The following CFAP54 variants were observed in gnomAD, a reference collection of about 807,000 sequenced individuals.
CFAP54 encodes cilia- and flagella-associated protein 54.
CFAP54 carries 290 observed loss-of-function variants against 370.4 expected under a neutral mutation model. The ratio of observed to expected loss-of-function variants is 0.78; its 90% CI spans 0.71 to 0.86. CFAP54 has a LOEUF of 0.86. Among genes scored for constraint, CFAP54 ranks in the 40% least tolerant of loss-of-function variants. CFAP54 has a pLI of 0.00. For missense variants in CFAP54, 3,399 were observed against 3,528.7 expected, an observed-to-expected ratio of 0.96 and a Z score of 0.93; for synonymous variants, 1,206 against 1,236.5, an observed-to-expected ratio of 0.98 and a Z score of 0.52.
intron 39 of CFAP54, among the ~76,000 whole-genome samples, chr12:96,677,265 T>A (rs1592703899): frequency 6.6e-6 from 1 of 151,976 alleles, no homozygotes; most frequent in Admixed American, 6.6e-5. Flanking sequence ...CCCTGCCTCA[T>A]CCTCCCAAAG....
chr12:96,576,557 A>T, intron 19 of CFAP54, 28 bp from the exon 20 acceptor site: 3 of 1,433,356 alleles, frequency 2.1e-6, no homozygotes, highest in Non-Finnish European at 2.8e-6. Flanking sequence ...CTTGACATAT[A>T]TTTTTCTATT....
intron 63 of CFAP54, among the ~76,000 whole-genome samples, chr12:96,805,333 T>C (rs1009528702): frequency 5.3e-5 from 8 of 152,026 alleles, no homozygotes; most frequent in South Asian, 2.1e-4. Context: ...TTGCAAACTA[T>C]GTATCTAACA....
At chr12:96,786,531 C>T (rs1958630636) in intron 61 of CFAP54, 144 bp from the exon 62 acceptor site, 2 of 635,222 alleles carry the variant, frequency 3.1e-6, no homozygotes, top group Middle Eastern at 4.3e-4. Context: ...AGTGTATAAG[C>T]TCTAAAAACA....
intron 45 of CFAP54, among the ~76,000 whole-genome samples, chr12:96,698,731 A>G (rs897827648): frequency 6.6e-6 from 1 of 152,164 alleles, no homozygotes; most frequent in Admixed American, 6.5e-5. Context: ...TGGGTACTAT[A>G]CTTGTCACCA....
intron 66 of CFAP54, among the ~76,000 whole-genome samples, chr12:96,858,395 G>A (rs1242011491): frequency 6.6e-6 from 1 of 152,104 alleles, no homozygotes; most frequent in African/African-American, 2.4e-5. Context: ...GGATATTAGA[G>A]ATTCATCAGA....
chr12:96,729,983 C>T lies in CFAP54; in HGVS notation c.6965+9418C>T, dbSNP rs1023142316. Among the ~76,000 whole-genome samples, 5 of 152,276 alleles carry T rather than the reference C, an allele frequency of 3.3e-5. No individual in the cohort carries two copies. The East Asian group carries it at 5.8e-4, about 18-fold the overall frequency. ...CAGTACAGAGAGCAAATGTGATGTT[C>T]TGATATGATTGGCACACAGTCGAGT... On this transcript the variant is annotated intron_variant, in intron 50 of 67. Coordinates refer to ENST00000524981, the MANE Select transcript of CFAP54 (RefSeq NM_001306084.2).
intron 36 of CFAP54, among the ~76,000 whole-genome samples, chr12:96,653,819 AT>A (rs1262380369): frequency 1.6e-5 from 2 of 121,772 alleles, no homozygotes; most frequent in African/African-American, 6.1e-5. Context: ...TAAAGTCAAA[AT>A]TTGATCTTCT....
chr12:96,536,987 A>AATTCAATTCAATT (rs369063940), intron 12 of CFAP54, among the ~76,000 whole-genome samples: 4 of 147,412 alleles, frequency 2.7e-5, no homozygotes, highest in African/African-American at 1.1e-4. Flanking sequence ...TCAATTCAAT[A>AATTCAATTCAATT]CAATTCAATT....
chr12:96,664,622 A>ATGTGTGTGTGTGTGTGTG (rs55839375), intron 39 of CFAP54, among the ~76,000 whole-genome samples: 1 of 115,204 alleles, frequency 8.7e-6, no homozygotes. Context: ...CCAAGAACGT[A>ATGTGTGTGTGTGTGTGTG]TGTGTGTGTG....
intron 48 of CFAP54, among the ~76,000 whole-genome samples, chr12:96,716,791 G>T (rs372599504): frequency 1.3e-5 from 2 of 152,194 alleles, no homozygotes; most frequent in Non-Finnish European, 2.9e-5. Flanking sequence ...TATGTAATTG[G>T]ATAAGACCGA....
Position 96,580,994 on chromosome 12 carries a change from T to C in CFAP54, c.2964T>C (p.Ala988=). Residue 988 remains alanine, a synonymous_variant, in exon 22 of 68, where the codon GCT becomes GCC. Transcript: ENST00000524981. ...ATGAAAAGTATGTATTTGCAGTTGC[T>C]GCCTATTCTAACAACGGAAAGCTTG... ...ETNEKYVFAV[A]AYSNNGKLVG... The C allele has an allele frequency of 6.5e-7, 1 of 1,534,480 alleles. No individual in the cohort carries two copies. Among genetic ancestry groups the C allele is most frequent in the Non-Finnish European group, 8.7e-7 (1 of 1,145,846 alleles).
chr12:96,754,643 T>C (rs1014252256), intron 56 of CFAP54, among the ~76,000 whole-genome samples: 1 of 152,190 alleles, frequency 6.6e-6, no homozygotes, highest in Non-Finnish European at 1.5e-5. Flanking sequence ...GCCAGCTCTG[T>C]GCCCTTTCCA....
chr12:96,621,875 GTTTT>G (rs71068819), intron 27 of CFAP54, among the ~76,000 whole-genome samples, 154 bp downstream of exon 27: 461 of 49,992 alleles, frequency 9.2e-3, no homozygotes, highest in African/African-American at 0.02. Flanking sequence ...TTTTGGGTTT[GTTTT>G]TTTTTTTTTT....
chr12:96,495,138 C>T (rs1565873735), intron 1 of CFAP54, among the ~76,000 whole-genome samples: 1 of 150,648 alleles, frequency 6.6e-6, no homozygotes, highest in Non-Finnish European at 1.5e-5. Context: ...CTAGAAATAT[C>T]TTTAAATAAG....
chr12:96,839,391 A>G (rs575617003), intron 66 of CFAP54, among the ~76,000 whole-genome samples: 1 of 152,338 alleles, frequency 6.6e-6, no homozygotes, highest in African/African-American at 2.4e-5. Context: ...GACCCTTACA[A>G]GTAGATTTAA....
intron 33 of CFAP54, chr12:96,646,037 T>C (rs1303359390): frequency 1.3e-5 from 2 of 152,178 alleles, no homozygotes; most frequent in Non-Finnish European, 2.9e-5. Flanking sequence ...GACATAGGCA[T>C]GGGCAAGGAC....
chr12:96,495,481 A>ATTTT (rs1301419672), intron 1 of CFAP54, among the ~76,000 whole-genome samples: 1 of 126,022 alleles, frequency 7.9e-6, no homozygotes, highest in Non-Finnish European at 1.7e-5. Flanking sequence ...CGCCCGGCTA[A>ATTTT]TTTTTGTTTT....
chr12:96,644,722 A>G (rs897528737), intron 33 of CFAP54, among the ~76,000 whole-genome samples: 1 of 152,158 alleles, frequency 6.6e-6, no homozygotes, highest in Non-Finnish European at 1.5e-5. Flanking sequence ...GGGAAATACC[A>G]TATGCTCATA....
intron 41 of CFAP54, 87 bp downstream of exon 41, chr12:96,684,822 C>G: frequency 8.2e-7 from 1 of 1,221,526 alleles, no homozygotes. Context: ...CATTGTCTTT[C>G]ATAAATTTTA....
Sources: gnomAD v4.1 joint callset for allele counts (sites outside exome capture counted in the v4.1 genomes callset) on GRCh38, gnomAD v4.1.1 for gene constraint, MANE v1.5 for transcripts, NCBI Gene and HGNC (gene_info 2026-07-23, HGNC 2026-07-21) for gene names.